SOX5: variants seen among roughly 807,000 people sequenced by gnomAD.
The protein encoded by SOX5 is transcription factor SOX-5.
In SOX5, 9 loss-of-function variants were observed where a neutral mutation model predicts 92.0. That is an observed-to-expected ratio of 0.10 (90% CI 0.06 to 0.17). SOX5 has a LOEUF of 0.17. Ranked by LOEUF, SOX5 falls within the 10% of genes least tolerant of loss-of-function variation. The pLI is 1.00. For synonymous variants in SOX5, 344 were observed against 336.3 expected (o/e 1.02, Z -0.25); for missense variants, 642 against 944.5 (o/e 0.68, Z 4.20).
chr12:23,830,312 GAA>G (rs1213869053), intron 3 of SOX5, among the ~76,000 whole-genome samples: 1 of 152,094 alleles, frequency 6.6e-6, no homozygotes, highest in Non-Finnish European at 1.5e-5. Context: ...TGGTGCTTTT[GAA>G]AAGGGTGCCT....
At chr12:23,984,363 G>C (rs541998271) in intron 4 of SOX5, among the ~76,000 whole-genome samples, 2 of 152,298 alleles carry the variant, frequency 1.3e-5, no homozygotes, top group Admixed American at 6.5e-5. Flanking sequence ...CTAAGTCTTA[G>C]ATCAGTCACA....
At chr12:23,761,712 A>T (rs780128557) in intron 3 of SOX5, among the ~76,000 whole-genome samples, 11 of 152,132 alleles carry the variant, frequency 7.2e-5, no homozygotes, top group Admixed American at 2.0e-4. Context: ...ATGAAATTGT[A>T]GTTCTATTTT....
chr12:24,507,876 G>A (rs1948949051), intron 1 of SOX5, among the ~76,000 whole-genome samples: 1 of 152,092 alleles, frequency 6.6e-6, no homozygotes, highest in South Asian at 2.1e-4. Flanking sequence ...ATCTCCTTCT[G>A]TAAATATTTG....
chr12:24,141,859 A>T (rs1429675490), intron 4 of SOX5, among the ~76,000 whole-genome samples: 1 of 152,114 alleles, frequency 6.6e-6, no homozygotes, highest in Non-Finnish European at 1.5e-5. Context: ...GAGAATGTAA[A>T]TGCCCCATGT....
intron 4 of SOX5, among the ~76,000 whole-genome samples, chr12:24,139,650 T>C (rs1276750924): frequency 6.6e-6 from 1 of 152,236 alleles, no homozygotes; most frequent in East Asian, 1.9e-4. Flanking sequence ...ACAATTTTAT[T>C]TTTAAAGACA....
chr12:23,900,971 CA>C (rs1007391378), intron 1 of SOX5, among the ~76,000 whole-genome samples: 1 of 151,996 alleles, frequency 6.6e-6, no homozygotes, highest in African/African-American at 2.4e-5. Flanking sequence ...AACAAACAAA[CA>C]AAAAACAACA....
At chr12:23,680,331 A>AG (rs1024994300) in intron 6 of SOX5, among the ~76,000 whole-genome samples, 2 of 149,656 alleles carry the variant, frequency 1.3e-5, no homozygotes, top group African/African-American at 2.4e-5. Flanking sequence ...GTCTCAAAAA[A>AG]AAAAAAAAAA....
intron 4 of SOX5, among the ~76,000 whole-genome samples, chr12:23,977,639 C>G (rs1487745612): frequency 2.1e-5 from 3 of 143,446 alleles, no homozygotes; most frequent in African/African-American, 8.0e-5. Context: ...CTCCAGCCGC[C>G]TGGTCGAGAG....
At chr12:24,317,093 T>C in intron 2 of SOX5, among the ~76,000 whole-genome samples, 1 of 152,186 alleles carries the variant, frequency 6.6e-6, no homozygotes, top group East Asian at 1.9e-4. Flanking sequence ...ACTCTGATAA[T>C]GAGATAAAGA....
chr12:23,566,673 T>C (rs1486690584), intron 10 of SOX5, among the ~76,000 whole-genome samples: 1 of 152,202 alleles, frequency 6.6e-6, no homozygotes, highest in East Asian at 1.9e-4. Context: ...CTGTTCTAAG[T>C]TGCAATTGTC....
chr12:24,354,018 A>G (rs893335130), intron 2 of SOX5, among the ~76,000 whole-genome samples: 2 of 152,250 alleles, frequency 1.3e-5, no homozygotes, highest in African/African-American at 4.8e-5. Context: ...TCAGTGGTGA[A>G]CAAATTAATT....
At chr12:23,669,776 G>T (rs577266456) in intron 6 of SOX5, among the ~76,000 whole-genome samples, 31 of 152,272 alleles carry the variant, frequency 2.0e-4, no homozygotes, top group African/African-American at 7.5e-4. Context: ...TAAAAATTCA[G>T]AGTAGAAGTG....
intron 7 of SOX5, among the ~76,000 whole-genome samples, chr12:23,652,055 C>G (rs970473733): frequency 2.0e-5 from 3 of 151,974 alleles, no homozygotes; most frequent in Non-Finnish European, 4.4e-5. Flanking sequence ...TCTATTTTCT[C>G]TCATCTAAAT....
chr12:23,903,650 T>C (rs1453239229), intron 1 of SOX5, among the ~76,000 whole-genome samples: 1 of 152,150 alleles, frequency 6.6e-6, no homozygotes, highest in African/African-American at 2.4e-5. Context: ...TGAATATGAA[T>C]ATGCAAAGCA....
chr12:24,052,954 C>T (rs897519945), intron 4 of SOX5, among the ~76,000 whole-genome samples: 9 of 152,190 alleles, frequency 5.9e-5, no homozygotes, highest in African/African-American at 1.9e-4. Context: ...CCTCAGTCAA[C>T]TTAGATCATC....
intron 2 of SOX5, among the ~76,000 whole-genome samples, chr12:23,873,009 C>T (rs1410757910): frequency 6.6e-6 from 1 of 152,170 alleles, no homozygotes; most frequent in Non-Finnish European, 1.5e-5. Context: ...TATAAACCTA[C>T]AAAATACAGA....
intron 13 of SOX5, among the ~76,000 whole-genome samples, chr12:23,540,004 T>C (rs1219697760): frequency 1.3e-5 from 2 of 151,770 alleles, no homozygotes; most frequent in Non-Finnish European, 2.9e-5. Flanking sequence ...GCTTTGCAGG[T>C]ACTATAACCA....
At chr12:23,670,038 G>A (rs765580015) in intron 6 of SOX5, among the ~76,000 whole-genome samples, 34 of 152,140 alleles carry the variant, frequency 2.2e-4, no homozygotes, top group Non-Finnish European at 4.1e-4. Flanking sequence ...TCAACAAAAC[G>A]TGGAGGAAAG....
intron 4 of SOX5, among the ~76,000 whole-genome samples, chr12:24,160,191 TAATAAATG>T (rs1166266907): frequency 1.3e-5 from 2 of 152,230 alleles, no homozygotes; most frequent in East Asian, 3.9e-4. Context: ...GTTTTAGTGA[TAATAAATG>T]AATACATAAG....
Sources: gnomAD v4.1 joint callset for allele counts (sites outside exome capture counted in the v4.1 genomes callset) on GRCh38, gnomAD v4.1.1 for gene constraint, MANE v1.5 for transcripts, NCBI Gene and HGNC (gene_info 2026-07-23, HGNC 2026-07-21) for gene names.